Variants in SLC24A2 observed in about 807,000 individuals in gnomAD.
SLC24A2 encodes solute carrier family 24 member 2, also known as sodium/potassium/calcium exchanger 2.
SLC24A2 carries 36 observed loss-of-function variants against 62.0 expected under a neutral mutation model. That is an observed-to-expected ratio of 0.58 (90% CI 0.44 to 0.77). The LOEUF (loss-of-function observed/expected upper bound fraction) is 0.77. SLC24A2 is among the 30% of genes least tolerant of loss of function. SLC24A2 has a pLI of 0.00. For missense variants in SLC24A2, 846 were observed against 817.9 expected (o/e 1.03, Z -0.42); for synonymous variants, 358 against 294.0 (o/e 1.22, Z -2.23).
At chr9:19,652,827 A>G (rs1180514163) in intron 2 of SLC24A2, among the ~76,000 whole-genome samples, 9 of 152,200 alleles carry the variant, frequency 5.9e-5, no homozygotes, top group Admixed American at 5.2e-4. Context: ...ACCAGATTCA[A>G]TGATCATTCA....
the SLC24A2 span, among the ~76,000 whole-genome samples, chr9:19,811,465 C>T: frequency 6.6e-6 from 1 of 152,114 alleles, no homozygotes; most frequent in East Asian, 1.9e-4. Flanking sequence ...GATATATCAA[C>T]TTGCTATTTG....
chr9:19,563,874 C>T (rs1179093141), intron 7 of SLC24A2, among the ~76,000 whole-genome samples: 4 of 136,066 alleles, frequency 2.9e-5, no homozygotes, highest in East Asian at 2.4e-4. Flanking sequence ...CCTTTCCTTT[C>T]GATGGGGTCT....
chr9:20,021,485 G>C, the SLC24A2 span, among the ~76,000 whole-genome samples: 1 of 151,914 alleles, frequency 6.6e-6, no homozygotes, highest in Non-Finnish European at 1.5e-5. Flanking sequence ...AAAAGCCACA[G>C]CACCAGGAGA....
At chr9:20,200,553 A>G in the SLC24A2 span, among the ~76,000 whole-genome samples, 1 of 152,362 alleles carries the variant, frequency 6.6e-6, no homozygotes, top group Non-Finnish European at 1.5e-5. Context: ...GGAAAGTAGA[A>G]ATAGAGAAAG....
At chr9:20,251,187 G>T in the SLC24A2 span, among the ~76,000 whole-genome samples, 10 of 152,304 alleles carry the variant, frequency 6.6e-5, no homozygotes, top group African/African-American at 2.4e-4. Flanking sequence ...TTGTCTCTGA[G>T]AATTTTCTCT....
At chr9:20,158,611 T>A in the SLC24A2 span, among the ~76,000 whole-genome samples, 289 of 151,742 alleles carry the variant, frequency 1.9e-3, 2 homozygotes, top group African/African-American at 6.8e-3. Flanking sequence ...ACTCAGTCGA[T>A]GGCATTTTAT....
the SLC24A2 span, among the ~76,000 whole-genome samples, chr9:20,159,448 T>C: frequency 6.6e-6 from 1 of 151,698 alleles, no homozygotes; most frequent in East Asian, 1.9e-4. Flanking sequence ...CATGGATGTA[T>C]TACAGAATGA....
chr9:20,217,527 G>C, the SLC24A2 span, among the ~76,000 whole-genome samples: 1 of 152,170 alleles, frequency 6.6e-6, no homozygotes, highest in African/African-American at 2.4e-5. Flanking sequence ...TGAAGAACAA[G>C]CTGGTGCTGG....
chr9:19,873,132 T>C, the SLC24A2 span, among the ~76,000 whole-genome samples: 4,501 of 152,242 alleles, frequency 0.03, 110 homozygotes, highest in Non-Finnish European at 0.042. Flanking sequence ...GATTATCAAA[T>C]CAGGTTTAAA....
At chr9:19,867,250 T>C in the SLC24A2 span, among the ~76,000 whole-genome samples, 2 of 152,192 alleles carry the variant, frequency 1.3e-5, no homozygotes, top group African/African-American at 2.4e-5. Flanking sequence ...CAAGAGCTGA[T>C]AGTCCATCAT....
At chr9:19,971,903 T>G in the SLC24A2 span, among the ~76,000 whole-genome samples, 1 of 152,178 alleles carries the variant, frequency 6.6e-6, no homozygotes, top group African/African-American at 2.4e-5. Flanking sequence ...TTTCTTTCCC[T>G]CATTTTATAC....
Position 19,508,786 on chromosome 9 carries a change from C to G in SLC24A2, c.*7367G>C, listed in dbSNP as rs1048865276. 8 of 114,354 alleles carry G rather than the reference C, an allele frequency of 7.0e-5. No individual in the cohort carries two copies. Among genetic ancestry groups the G allele is most frequent in the African/African-American group, 3.1e-4 (8 of 25,690 alleles). 7.1% of individuals were successfully genotyped at this position (114,354 alleles called of 1,614,324 possible). A position where few individuals can be genotyped will look rare whatever the true frequency, so the allele number is the denominator to read the frequency against. ...TCTAGCCTGGGTGACAGAGCAAGAC[C>G]CTGTCTGTTAAAAAAAAAATTATAT... is the stretch of plus-strand genomic sequence containing the variant. On this transcript the variant is annotated 3_prime_UTR_variant, in exon 11 of 11. Transcript: ENST00000341998.
At chr9:20,007,334 C>A in the SLC24A2 span, among the ~76,000 whole-genome samples, 1 of 152,096 alleles carries the variant, frequency 6.6e-6, no homozygotes, top group Non-Finnish European at 1.5e-5. Context: ...AAGGATTCTG[C>A]ACCTGAGTCC....
chr9:19,550,089 T>A, intron 8 of SLC24A2, 48 bp downstream of exon 8: 1 of 1,591,258 alleles, frequency 6.3e-7, no homozygotes. Context: ...CACCCTGTTA[T>A]GTACCATATG....
intron 2 of SLC24A2, among the ~76,000 whole-genome samples, chr9:19,638,672 G>A (rs540927034): frequency 1.3e-5 from 2 of 152,288 alleles, no homozygotes; most frequent in East Asian, 1.9e-4. Flanking sequence ...CCAATGACTA[G>A]TTCTGTGGCC....
At chr9:19,549,658 C>G (rs1023541353) in intron 8 of SLC24A2, among the ~76,000 whole-genome samples, 1 of 152,164 alleles carries the variant, frequency 6.6e-6, no homozygotes, top group African/African-American at 2.4e-5. Flanking sequence ...TCATTTCTGC[C>G]CAGGTGCCAG....
chr9:20,219,509 G>A, the SLC24A2 span, among the ~76,000 whole-genome samples: 1 of 152,132 alleles, frequency 6.6e-6, no homozygotes, highest in Admixed American at 6.6e-5. Flanking sequence ...TCGGTTGAAT[G>A]GACCCATTCT....
rs1249435885 is a variant in SLC24A2, at chr9:19,514,829, C to G, written c.*1324G>C. 1 of 152,196 alleles carries G rather than the reference C, an allele frequency of 6.6e-6. No individual in the cohort carries two copies. Among genetic ancestry groups the G allele is most frequent in the Admixed American group, 6.5e-5 (1 of 15,278 alleles). The allele number at this position is 152,196 out of a possible 1,614,324, so 9.4% of individuals were successfully genotyped here. ...GGCACTCAGAAACCTTCCTGGGGTG[C>G]ACTGAGTGTGCAAATGCCTTTCCAA... On this transcript the variant is annotated 3_prime_UTR_variant, in exon 11 of 11. Coordinates refer to ENST00000341998, the MANE Select transcript of SLC24A2 (RefSeq NM_020344.4).
chr9:20,001,394 T>A, the SLC24A2 span, among the ~76,000 whole-genome samples: 1 of 152,182 alleles, frequency 6.6e-6, no homozygotes, highest in Non-Finnish European at 1.5e-5. Context: ...GGAAGGGGGT[T>A]AAGCCTAGCA....
Sources: gnomAD v4.1 joint callset for allele counts (sites outside exome capture counted in the v4.1 genomes callset) on GRCh38, gnomAD v4.1.1 for gene constraint, MANE v1.5 for transcripts, NCBI Gene and HGNC (gene_info 2026-07-23, HGNC 2026-07-21) for gene names.